PLGRKT: variants seen among roughly 807,000 people sequenced by gnomAD.
PLGRKT encodes plasminogen receptor (KT).
PLGRKT carries 22 observed loss-of-function variants against 18.5 expected under a neutral mutation model. The ratio of observed to expected loss-of-function variants is 1.19; its 90% CI spans 0.85 to 1.70. The LOEUF (loss-of-function observed/expected upper bound fraction) is 1.70, where lower values mean the gene tolerates loss of function less well. PLGRKT is among the 40% of genes most tolerant of loss of function. PLGRKT has a pLI of 0.00. For synonymous variants in PLGRKT, 72 were observed against 52.8 expected (o/e 1.36, Z -1.58); for missense variants, 235 against 174.4 (o/e 1.35, Z -1.96).
At chr9:5,428,063 G>C (rs527895789) in intron 3 of PLGRKT, among the ~76,000 whole-genome samples, 87 of 152,102 alleles carry the variant, frequency 5.7e-4, no homozygotes, top group Non-Finnish European at 1.0e-3. Flanking sequence ...CAAGCTCCAC[G>C]ATCCAGCCAA....
chr9:5,412,285 T>C (rs943312443), intron 3 of PLGRKT, among the ~76,000 whole-genome samples: 14 of 152,234 alleles, frequency 9.2e-5, no homozygotes, highest in Admixed American at 1.3e-4. Context: ...TCTCATATCA[T>C]ATATGAGAAT....
intron 2 of PLGRKT, among the ~76,000 whole-genome samples, chr9:5,432,690 G>T (rs1024940832): frequency 2.0e-5 from 3 of 152,208 alleles, no homozygotes; most frequent in Non-Finnish European, 4.4e-5. Context: ...TGGAGACGGG[G>T]TTTTGCCGTG....
chr9:5,369,923 C>T (rs1454060871), intron 3 of PLGRKT, among the ~76,000 whole-genome samples: 3 of 151,814 alleles, frequency 2.0e-5, no homozygotes, highest in Admixed American at 6.6e-5. Flanking sequence ...GAACATCACA[C>T]ACCAGGGCCT....
rs78641976 is a variant in PLGRKT at position 5,366,074 on chromosome 9, A to C, written c.82-4186T>G. ...ATTATCAATTAAAATGTTATTAACT[A>C]TTCTAAATTTCATAAGATTATGTTT... On this transcript the variant is annotated intron_variant, in intron 3 of 5. Coordinates refer to ENST00000223864, the MANE Select transcript of PLGRKT (RefSeq NM_018465.4). Among the ~76,000 whole-genome samples the C allele has an allele frequency of 8.1e-4, 124 of 152,316 alleles. No homozygotes were observed. In the East Asian group the frequency reaches 0.017, roughly 21 times the overall value.
intron 3 of PLGRKT, among the ~76,000 whole-genome samples, chr9:5,426,471 G>C (rs1479624904): frequency 6.6e-6 from 1 of 151,978 alleles, no homozygotes; most frequent in East Asian, 1.9e-4. Flanking sequence ...TTTCTCTCTA[G>C]GCTGCCCCAG....
At chr9:5,428,415 A>T (rs1282402744) in intron 3 of PLGRKT, among the ~76,000 whole-genome samples, 1 of 152,144 alleles carries the variant, frequency 6.6e-6, no homozygotes, top group East Asian at 1.9e-4. Context: ...GTCTCAGGGA[A>T]GGCAAGTATG....
intron 3 of PLGRKT, among the ~76,000 whole-genome samples, chr9:5,431,509 G>A (rs1818822961): frequency 7.0e-6 from 1 of 143,084 alleles, no homozygotes; most frequent in Non-Finnish European, 1.5e-5. Context: ...ACTCCAGGCT[G>A]GGCAACACAG....
At chr9:5,424,495 A>G (rs940698777) in intron 3 of PLGRKT, among the ~76,000 whole-genome samples, 1 of 125,032 alleles carries the variant, frequency 8.0e-6, no homozygotes, top group Non-Finnish European at 1.6e-5. Flanking sequence ...AATATATATT[A>G]TTAACATATA....
intron 5 of PLGRKT, 103 bp downstream of exon 5, chr9:5,360,975 A>T (rs1817250120): frequency 5.9e-6 from 4 of 674,012 alleles, no homozygotes; most frequent in Non-Finnish European, 1.0e-5. Context: ...GTTCAAAGAG[A>T]GAGTCTTGTC....
intron 5 of PLGRKT, 129 bp downstream of exon 5, chr9:5,360,949 A>G (rs1817249269): frequency 1.7e-6 from 1 of 594,178 alleles, no homozygotes; most frequent in South Asian, 2.1e-5. Flanking sequence ...GGGAGCAGAA[A>G]TGTTGCTCAT....
intron 3 of PLGRKT, among the ~76,000 whole-genome samples, chr9:5,428,646 G>T (rs145255914): frequency 0.015 from 2,225 of 152,176 alleles, 53 homozygotes; most frequent in African/African-American, 0.051. Context: ...AAACTATTAC[G>T]ACCACCCTTG....
chr9:5,363,428 G>C (rs1817312474), intron 3 of PLGRKT, among the ~76,000 whole-genome samples: 1 of 151,778 alleles, frequency 6.6e-6, no homozygotes, highest in African/African-American at 2.4e-5. Context: ...CAAGGTTTTG[G>C]ACTCTGGTAG....
chr9:5,368,706 C>G (rs1318856987), intron 3 of PLGRKT, among the ~76,000 whole-genome samples: 1 of 152,106 alleles, frequency 6.6e-6, no homozygotes, highest in Non-Finnish European at 1.5e-5. Context: ...CCTGCACCCC[C>G]TGAATCTAAA....
At chr9:5,424,033 G>T (rs1198335694) in intron 3 of PLGRKT, among the ~76,000 whole-genome samples, 1 of 143,518 alleles carries the variant, frequency 7.0e-6, no homozygotes, top group African/African-American at 2.6e-5. Flanking sequence ...GACATATATT[G>T]TATATACCAT....
chr9:5,418,596 C>T lies in PLGRKT; in HGVS notation c.81+13301G>A, dbSNP rs1818510405. On this transcript the variant is annotated intron_variant, in intron 3 of 5. Coordinates refer to ENST00000223864, the MANE Select transcript of PLGRKT (RefSeq NM_018465.4). This position sits in a 1 kb window ranked among gnomAD's most constrained non-coding sequence, Gnocchi z 4.2. ...CAGGGATGGTCACCACAGTGACGGA[C>T]TTCTGCCGGTTCCTGGGCAGCAGGT... 1 of 745,770 alleles carries T rather than the reference C, an allele frequency of 1.3e-6. No individual in the cohort carries two copies. Among genetic ancestry groups the T allele is most frequent in the Admixed American group, 1.8e-5 (1 of 55,414 alleles). The allele number at this position is 745,770 out of a possible 1,614,324, so 46.2% of individuals were successfully genotyped here. A position where few individuals can be genotyped will look rare whatever the true frequency, so the allele number is the denominator to read the frequency against.
chr9:5,424,612 T>G (rs1254079386), intron 3 of PLGRKT, among the ~76,000 whole-genome samples: 1 of 133,214 alleles, frequency 7.5e-6, no homozygotes, highest in Admixed American at 8.2e-5. Context: ...AATATATTAT[T>G]TATTATATTA....
chr9:5,381,958 G>C, intron 3 of PLGRKT: 1 of 984,734 alleles, frequency 1.0e-6, no homozygotes, highest in South Asian at 4.7e-5. Flanking sequence ...GCCTGAGCCA[G>C]CTCTCAAGCA....
intron 3 of PLGRKT, among the ~76,000 whole-genome samples, chr9:5,365,560 G>C (rs1817367409): frequency 6.6e-6 from 1 of 152,176 alleles, no homozygotes; most frequent in Non-Finnish European, 1.5e-5. Context: ...AGGGCAGCGT[G>C]AGGGATGAAG....
chr9:5,433,222 G>C (rs1470637866), intron 2 of PLGRKT, among the ~76,000 whole-genome samples: 1 of 149,388 alleles, frequency 6.7e-6, no homozygotes, highest in Non-Finnish European at 1.5e-5. Flanking sequence ...ATCTCTGCCT[G>C]GCCGCCCATC....
Sources: allele counts gnomAD v4.1 joint callset (sites outside exome capture counted in the v4.1 genomes callset), GRCh38; gene constraint gnomAD v4.1.1; non-coding constraint Gnocchi (gnomAD v3.1); transcripts MANE v1.5; gene names NCBI Gene and HGNC (gene_info 2026-07-23, HGNC 2026-07-21).